Variants in DMRT1 observed in about 807,000 individuals in gnomAD.
DMRT1 encodes the protein doublesex- and mab-3-related transcription factor 1.
DMRT1 carries 7 observed loss-of-function variants against 32.3 expected under a neutral mutation model. The observed-to-expected ratio is 0.22, with a 90% confidence interval of 0.12 to 0.41. DMRT1 has a LOEUF of 0.41. Ranked by LOEUF, DMRT1 falls within the 10% of genes least tolerant of loss-of-function variation. The pLI, the probability that DMRT1 is intolerant of heterozygous loss-of-function variation, is 1.00. For missense variants in DMRT1, 625 were observed against 500.5 expected (o/e 1.25, Z -2.37); for synonymous variants, 278 against 206.1 (o/e 1.35, Z -2.99).
intron 1 of DMRT1, chr9:842,479 A>C: frequency 2.5e-6 from 1 of 406,726 alleles, no homozygotes; most frequent in Non-Finnish European, 4.4e-6. Context: ...CAGGTGATCC[A>C]CCCGCCTCGG....
intron 2 of DMRT1, among the ~76,000 whole-genome samples, chr9:886,154 A>G (rs1480834909): frequency 6.6e-6 from 1 of 152,248 alleles, no homozygotes; most frequent in East Asian, 1.9e-4. Context: ...CAGTGCACAC[A>G]AGCCATGGAG....
chr9:951,221 A>C (rs1819417304), intron 4 of DMRT1, among the ~76,000 whole-genome samples: 1 of 152,164 alleles, frequency 6.6e-6, no homozygotes, highest in Non-Finnish European at 1.5e-5. Context: ...TTTTTCTTTA[A>C]ATACCAGTCA....
chr9:941,841 G>A (rs7861683), intron 4 of DMRT1, among the ~76,000 whole-genome samples: 4,681 of 152,228 alleles, frequency 0.031, 234 homozygotes, highest in African/African-American at 0.11. Flanking sequence ...ATTGATGAAT[G>A]TCCTAATGTG....
At chr9:938,298 A>G (rs1373811254) in intron 4 of DMRT1, among the ~76,000 whole-genome samples, 1 of 152,078 alleles carries the variant, frequency 6.6e-6, no homozygotes, top group Non-Finnish European at 1.5e-5. Context: ...GGGTTTTTCT[A>G]TTTATGCAAA....
intron 2 of DMRT1, among the ~76,000 whole-genome samples, chr9:847,529 C>T (rs1344549765): frequency 1.3e-5 from 2 of 152,180 alleles, no homozygotes; most frequent in Non-Finnish European, 2.9e-5. Flanking sequence ...GGGAAAGTGT[C>T]TAGAAAGGCC....
intron 3 of DMRT1, among the ~76,000 whole-genome samples, chr9:895,787 T>C (rs1817331749): frequency 6.6e-6 from 1 of 151,412 alleles, no homozygotes; most frequent in South Asian, 2.1e-4. Context: ...AATTTACTCA[T>C]CTTATAACTG....
intron 3 of DMRT1, among the ~76,000 whole-genome samples, chr9:897,826 T>C (rs929355746): frequency 1.3e-5 from 2 of 152,156 alleles, no homozygotes; most frequent in Non-Finnish European, 2.9e-5. Context: ...GGTATAAAAA[T>C]ACATATGTTA....
At chr9:930,877 C>G (rs962303518) in intron 4 of DMRT1, among the ~76,000 whole-genome samples, 1 of 152,180 alleles carries the variant, frequency 6.6e-6, no homozygotes, top group East Asian at 1.9e-4. Context: ...TAAAATATAA[C>G]TCATATACCA....
chr9:862,683 A>G (rs1299850390), intron 2 of DMRT1, among the ~76,000 whole-genome samples: 2 of 152,138 alleles, frequency 1.3e-5, no homozygotes, highest in African/African-American at 4.8e-5. Context: ...GTAGAGATGG[A>G]AAGAAAGGCT....
chr9:866,228 T>C (rs964078679), intron 2 of DMRT1, among the ~76,000 whole-genome samples: 1 of 145,520 alleles, frequency 6.9e-6, no homozygotes, highest in Admixed American at 6.9e-5. Context: ...TACTCAGGAC[T>C]CTGAGACTGG....
chr9:852,675 G>A (rs1302566016), intron 2 of DMRT1, among the ~76,000 whole-genome samples: 3 of 152,152 alleles, frequency 2.0e-5, no homozygotes, highest in East Asian at 3.9e-4. Context: ...AATGTTATCT[G>A]TCTTGGGGCC....
At chr9:959,480 T>A (rs2129990209) in intron 4 of DMRT1, among the ~76,000 whole-genome samples, 1 of 152,326 alleles carries the variant, frequency 6.6e-6, no homozygotes, top group South Asian at 2.1e-4. Context: ...TTCAAACACT[T>A]GTACTCTAAA....
intron 2 of DMRT1, among the ~76,000 whole-genome samples, chr9:889,274 T>C (rs889252934): frequency 2.0e-5 from 3 of 152,250 alleles, no homozygotes; most frequent in African/African-American, 7.2e-5. Context: ...ACATATAGAA[T>C]TCGGTGGTTT....
At chr9:852,130 T>C (rs1039368214) in intron 2 of DMRT1, among the ~76,000 whole-genome samples, 1 of 151,888 alleles carries the variant, frequency 6.6e-6, no homozygotes, top group African/African-American at 2.4e-5. Flanking sequence ...AGAGATGGGG[T>C]TTCACCATGT....
intron 2 of DMRT1, among the ~76,000 whole-genome samples, chr9:890,508 A>G (rs1464187440): frequency 6.6e-6 from 1 of 152,172 alleles, no homozygotes; most frequent in Non-Finnish European, 1.5e-5. Context: ...TGAGGCTTCA[A>G]AAATAAATTT....
chr9:847,294 G>A, intron 2 of DMRT1, 151 bp downstream of exon 2: 1 of 785,498 alleles, frequency 1.3e-6, no homozygotes, highest in Non-Finnish European at 2.0e-6. Context: ...GGCTGTTTGT[G>A]CCTGCATCAC....
rs148241720 is a variant in DMRT1 at position 876,022 on chromosome 9, A to G, written c.539-17890A>G. Among the ~76,000 whole-genome samples, 791 of 152,200 alleles carry G rather than the reference A, an allele frequency of 5.2e-3. 6 individuals carry two copies. Among genetic ancestry groups the G allele is most frequent in the African/African-American group, 0.017 (723 of 41,540 alleles). ...CCCGCCCCTACACTGGGGATGCTGG[A>G]GTTGACACAGTATGGCATGCTTTGC... On this transcript the variant is annotated intron_variant, in intron 2 of 4. Coordinates refer to ENST00000382276, the MANE Select transcript of DMRT1 (RefSeq NM_021951.3).
chr9:905,584 T>G (rs1885775), intron 3 of DMRT1, among the ~76,000 whole-genome samples: 118,630 of 151,314 alleles, frequency 0.78, 47,248 homozygotes, highest in South Asian at 0.9. Flanking sequence ...ATGGAAAGGT[T>G]TTTTGTTTGA....
At chr9:897,481 C>T (rs1817416423) in intron 3 of DMRT1, among the ~76,000 whole-genome samples, 1 of 151,424 alleles carries the variant, frequency 6.6e-6, no homozygotes, top group Admixed American at 6.6e-5. Context: ...AAAGGAAATG[C>T]AATGATCTGT....
Sources: gnomAD v4.1 joint callset for allele counts (sites outside exome capture counted in the v4.1 genomes callset) on GRCh38, gnomAD v4.1.1 for gene constraint, MANE v1.5 for transcripts, NCBI Gene and HGNC (gene_info 2026-07-23, HGNC 2026-07-21) for gene names.